NLRC5: variants seen among roughly 807,000 people sequenced by gnomAD.
The protein encoded by NLRC5 is protein NLRC5.
A neutral mutation model predicts 206.9 loss-of-function variants in NLRC5; 114 were observed. The ratio of observed to expected loss-of-function variants is 0.55; its 90% CI spans 0.47 to 0.64. The LOEUF (loss-of-function observed/expected upper bound fraction) is 0.64, where lower values mean the gene tolerates loss of function less well. Ranked by LOEUF, NLRC5 falls within the 30% of genes least tolerant of loss-of-function variation. The probability of loss-of-function intolerance (pLI) is 0.00; values close to 1 mark genes in which losing one functional copy is unlikely to be tolerated. For missense variants in NLRC5, 2,008 were observed against 2,305.5 expected (o/e 0.87, Z 2.64); for synonymous variants, 952 against 962.8 (o/e 0.99, Z 0.21).
At chr16:57,009,639 C>G (rs868126126) in intron 1 of NLRC5, among the ~76,000 whole-genome samples, 40 of 152,156 alleles carry the variant, frequency 2.6e-4, no homozygotes, top group African/African-American at 9.4e-4. Context: ...TGAGCTACAC[C>G]ATGTTTGAAC....
At position 57,006,814 on chromosome 16, in the gene NLRC5, G is replaced by A. The variant is rs577493735; in HGVS notation, c.-127-10260G>A. 2.0e-4 allele frequency among the ~76,000 whole-genome samples: 31 copies of A among 151,364 alleles called. No individual in the cohort carries two copies. The South Asian group carries it at 2.5e-3, about 12-fold the overall frequency. On this transcript the variant is annotated intron_variant, in intron 1 of 48. Transcript: ENST00000688547. ...AGGTTGTATCCTGTTACATGTCCAC[G>A]GATGAATTTCTTCCAGAAATATTCA...
chr16:57,054,458 A>C (rs1157240387), intron 24 of NLRC5, among the ~76,000 whole-genome samples: 2 of 152,150 alleles, frequency 1.3e-5, no homozygotes, highest in Non-Finnish European at 2.9e-5. Flanking sequence ...GATGTAATTA[A>C]ATCCTCATAT....
intron 1 of NLRC5, among the ~76,000 whole-genome samples, chr16:57,012,487 G>T (rs1050542418): frequency 4.6e-5 from 7 of 152,172 alleles, no homozygotes; most frequent in African/African-American, 1.7e-4. Context: ...GAACTGGGCC[G>T]CACAGCAGGT....
intron 23 of NLRC5, among the ~76,000 whole-genome samples, chr16:57,049,093 G>A (rs573087155): frequency 1.7e-3 from 260 of 151,436 alleles, no homozygotes; most frequent in African/African-American, 5.9e-3. Context: ...TAACACTAGC[G>A]ATAGCTGATG....
chr16:57,075,284 A>T (rs182347829), intron 39 of NLRC5, among the ~76,000 whole-genome samples: 1 of 145,246 alleles, frequency 6.9e-6, no homozygotes, highest in African/African-American at 2.8e-5. Flanking sequence ...CAATGGCACA[A>T]TCTCAGCTCA....
Position 57,042,779 on chromosome 16 carries a change from C to T in NLRC5, c.3113+714C>T, listed in dbSNP as rs138032050. ...AGTCGGTAAATACATAAATTGCAGGCGTGGCCTCTGTTGGTGGCTACGATC... is the reference window on the plus strand; with the variant it reads ...AGTCGGTAAATACATAAATTGCAGGTGTGGCCTCTGTTGGTGGCTACGATC... On this transcript the variant is annotated intron_variant, in intron 19 of 48. Transcript: ENST00000688547. 3.3e-4 allele frequency among the ~76,000 whole-genome samples: 50 copies of T among 152,252 alleles called. 1 individual carries two copies. Among genetic ancestry groups the T allele is most frequent in the Middle Eastern group, 3.4e-3 (1 of 294 alleles).
In NLRC5 at chr16:57,082,624, C is replaced by A. The variant is rs536369460; in HGVS notation, c.*96C>A. The stretch of plus-strand genomic sequence containing the variant: ...TAATTGACTCAGGAAAGAAGAGCCT[C>A]GGCAGGGCGCTCTGCACTCCACCCA... On this transcript the variant is annotated 3_prime_UTR_variant, in exon 49 of 49. Coordinates refer to ENST00000688547, the MANE Select transcript of NLRC5 (RefSeq NM_001384950.1). The A allele has an allele frequency of 5.7e-5, 49 of 860,224 alleles. No homozygotes were observed. The South Asian group carries it at 7.4e-4, about 13-fold the overall frequency. The allele number at this position is 860,224 out of a possible 1,614,324, so 53.3% of individuals were successfully genotyped here.
chr16:57,018,613 A>G (rs1250605921), intron 2 of NLRC5, among the ~76,000 whole-genome samples: 1 of 152,156 alleles, frequency 6.6e-6, no homozygotes, highest in Admixed American at 6.5e-5. Flanking sequence ...TCTAAACCCC[A>G]GGACGCATAG....
intron 1 of NLRC5, among the ~76,000 whole-genome samples, chr16:56,992,894 A>G (rs1364006914): frequency 6.6e-6 from 1 of 152,106 alleles, no homozygotes; most frequent in Admixed American, 6.6e-5. Flanking sequence ...ATGTTTTAAA[A>G]TTTTTAATTT....
intron 1 of NLRC5, among the ~76,000 whole-genome samples, chr16:57,009,880 A>T (rs1352447890): frequency 6.6e-6 from 1 of 152,184 alleles, no homozygotes; most frequent in Admixed American, 6.5e-5. Context: ...GACCTGATGC[A>T]GGCTCTGTCT....
Position 57,077,929 on chromosome 16 carries a change from C to T in NLRC5, c.5004-14C>T, listed in dbSNP as rs2068613855. On this transcript the variant is annotated splice_polypyrimidine_tract_variant and intron_variant, in intron 42 of 48. Transcript: ENST00000688547. Reference sequence around the variant, plus strand: ...CAGGCCCAGTACTCAATGCTCATTCCTCTCCTCTTCCAGGCTTGGCTGCAA... The same window carrying T: ...CAGGCCCAGTACTCAATGCTCATTCTTCTCCTCTTCCAGGCTTGGCTGCAA... 8.7e-6 allele frequency: 14 copies of T among 1,613,204 alleles called. No individual in the cohort carries two copies. Among genetic ancestry groups the T allele is most frequent in the Non-Finnish European group, 1.2e-5 (14 of 1,179,510 alleles).
intron 1 of NLRC5, among the ~76,000 whole-genome samples, chr16:57,011,559 CA>C (rs1274200069): frequency 6.6e-6 from 1 of 151,712 alleles, no homozygotes; most frequent in Non-Finnish European, 1.5e-5. Context: ...TATGTCTCTA[CA>C]AAAAAATTAA....
intron 33 of NLRC5, 22 bp downstream of exon 33, chr16:57,065,320 C>A: frequency 6.7e-7 from 1 of 1,492,418 alleles, no homozygotes; most frequent in Non-Finnish European, 9.1e-7. Flanking sequence ...GAAGAGGCCC[C>A]TTTGGAATTC....
At chr16:57,018,526 A>C (rs1207148782) in intron 2 of NLRC5, among the ~76,000 whole-genome samples, 8 of 152,316 alleles carry the variant, frequency 5.3e-5, no homozygotes, top group African/African-American at 7.2e-5. Context: ...CTATTAGCCC[A>C]GTTGAGGAGA....
chr16:57,082,547 T>C lies in NLRC5; in HGVS notation c.*19T>C, dbSNP rs375675086. On this transcript the variant is annotated 3_prime_UTR_variant, in exon 49 of 49. Coordinates refer to ENST00000688547, the MANE Select transcript of NLRC5 (RefSeq NM_001384950.1). ...TACTTGATGGCCCCCTCAAGACCTTTGGAATCCAGCCAAGTGATGCACCCA... is the reference window on the plus strand; with the variant it reads ...TACTTGATGGCCCCCTCAAGACCTTCGGAATCCAGCCAAGTGATGCACCCA... The C allele has an allele frequency of 1.4e-4, 216 of 1,564,026 alleles. No individual in the cohort carries two copies. The highest frequency in any genetic ancestry group is 1.8e-4 in the Non-Finnish European group (200 of 1,138,070).
chr16:57,034,338 G>C (rs775792420), intron 13 of NLRC5, 87 bp downstream of exon 13: 6 of 915,428 alleles, frequency 6.6e-6, no homozygotes, highest in Non-Finnish European at 1.0e-5. Context: ...TGGGTGGTGT[G>C]GGGGAGGGGC....
chr16:57,061,425 C>T (rs370067746), intron 30 of NLRC5, 23 bp from the exon 31 acceptor site: 104 of 1,606,394 alleles, frequency 6.5e-5, no homozygotes, highest in Non-Finnish European at 8.7e-5. Context: ...CACCCAGGCT[C>T]TGCCCTGGCT....
rs1438754349 is a variant in NLRC5, at chr16:57,059,405, C to G, written c.3921-62C>G. The G allele has an allele frequency of 1.3e-5, 21 of 1,556,904 alleles. No individual in the cohort carries two copies. In the Admixed American group the frequency reaches 3.1e-4, roughly 23 times the overall value. On this transcript the variant is annotated intron_variant, in intron 29 of 48. Transcript: ENST00000688547. The stretch of plus-strand genomic sequence containing the variant: ...TCCCTCTCTGTGCCCTGTGGGTGCC[C>G]TAGGTGCCTAGGAAGCTGGCATGTC...
At chr16:57,060,236 C>T (rs2066268286) in intron 30 of NLRC5, among the ~76,000 whole-genome samples, 1 of 151,834 alleles carries the variant, frequency 6.6e-6, no homozygotes, top group African/African-American at 2.4e-5. Context: ...CAGTGCCCCT[C>T]TGCTACTCTG....
Sources: gnomAD v4.1 joint callset for allele counts (sites outside exome capture counted in the v4.1 genomes callset) on GRCh38, gnomAD v4.1.1 for gene constraint, MANE v1.5 for transcripts, NCBI Gene and HGNC (gene_info 2026-07-23, HGNC 2026-07-21) for gene names.